The following FSCN2 variants were observed in gnomAD, a reference collection of about 807,000 sequenced individuals.
FSCN2 encodes the protein fascin-2.
FSCN2 carries 46 observed loss-of-function variants against 37.8 expected under a neutral mutation model. The ratio of observed to expected loss-of-function variants is 1.22; its 90% CI spans 0.96 to 1.56. The LOEUF (loss-of-function observed/expected upper bound fraction) is 1.56, where lower values mean the gene tolerates loss of function less well. Ranked by LOEUF, FSCN2 falls within the 40% of genes most tolerant of loss-of-function variation. The pLI is 0.00. For synonymous variants in FSCN2, 351 were observed against 309.4 expected (o/e 1.13, Z -1.41); for missense variants, 844 against 730.4 (o/e 1.16, Z -1.79).
At chr17:81,516,718 C>G in the FSCN2 span, among the ~76,000 whole-genome samples, 10 of 152,238 alleles carry the variant, frequency 6.6e-5, no homozygotes, top group African/African-American at 1.9e-4. Context: ...TTCTCCTGCC[C>G]CACTGCGCAG....
the FSCN2 span, among the ~76,000 whole-genome samples, chr17:81,518,779 G>A: frequency 1.3e-5 from 2 of 152,224 alleles, no homozygotes; most frequent in South Asian, 4.1e-4. Flanking sequence ...GACTAGGTCA[G>A]GGCCTCTCCA....
At chr17:81,527,043 C>T (rs544640057), upstream of FSCN2, 1 of 152,282 alleles carries the variant, frequency 6.6e-6, no homozygotes, top group African/African-American at 2.4e-5. Flanking sequence ...CTTTTTCCTC[C>T]CCTGTGTCTG....
intron 1 of FSCN2, 161 bp downstream of exon 1, chr17:81,529,518 G>A (rs782027299): frequency 1.5e-5 from 12 of 793,848 alleles, no homozygotes; most frequent in Non-Finnish European, 2.4e-5. Context: ...CACTCAGGGT[G>A]TAGGTGGGTG....
At chr17:81,532,134 A>G (rs1448433566) in intron 1 of FSCN2, among the ~76,000 whole-genome samples, 1 of 122,292 alleles carries the variant, frequency 8.2e-6, no homozygotes, top group Non-Finnish European at 1.7e-5. Flanking sequence ...GATGATAGTG[A>G]TGGTGATGAT....
At position 81,529,023 on chromosome 17, in the gene FSCN2, C is replaced by A. The variant is rs370382419; in HGVS notation, c.492C>A (p.Asp164Glu). The A allele has an allele frequency of 6.3e-7, 1 of 1,586,930 alleles. No individual in the cohort carries two copies. The highest frequency in any genetic ancestry group is 1.3e-5 in the African/African-American group (1 of 74,646). Residue 164 changes from aspartate to glutamate, a missense_variant, in exon 1 of 5, where the codon GAC becomes GAA. Coordinates refer to ENST00000417245, the MANE Select transcript of FSCN2 (RefSeq NM_012418.4). Reference protein sequence around the residue: ...LCPREDEMAADGDKPWGVDAL... With the variant: ...LCPREDEMAAEGDKPWGVDAL... ...CGCGGGAGGACGAGATGGCCGCAGA[C>A]GGAGACAAGCCCTGGGGCGTGGACG...
intron 1 of FSCN2, among the ~76,000 whole-genome samples, chr17:81,532,940 C>T (rs2032746782): frequency 6.6e-6 from 1 of 152,168 alleles, no homozygotes; most frequent in South Asian, 2.1e-4. Context: ...AGCAGCCACT[C>T]GCCTCCCTGC....
intron 2 of FSCN2, 82 bp downstream of exon 2, chr17:81,535,290 A>C (rs138055235): frequency 0.73 from 541,404 of 740,698 alleles, 198,375 homozygotes; most frequent in East Asian, 0.85. Context: ...CACCATCCGC[A>C]TCCCCATCTC....
chr17:81,515,493 T>C, the FSCN2 span, among the ~76,000 whole-genome samples: 2 of 152,390 alleles, frequency 1.3e-5, no homozygotes, highest in South Asian at 4.1e-4. Flanking sequence ...GTGCTGGTTT[T>C]GATGGCTTTT....
chr17:81,535,009 A>G (rs954718822), intron 1 of FSCN2, 43 bp from the exon 2 acceptor site: 3 of 1,469,934 alleles, frequency 2.0e-6, no homozygotes, highest in Non-Finnish European at 2.7e-6. Context: ...CCTGCTCCCT[A>G]CCCAGGAGAG....
upstream of FSCN2, among the ~76,000 whole-genome samples, chr17:81,528,129 G>C (rs1273240151): frequency 2.0e-5 from 3 of 152,190 alleles, no homozygotes; most frequent in Non-Finnish European, 2.9e-5. Context: ...GAGGCCAAAA[G>C]GTGCAGGGCC....
intron 1 of FSCN2, among the ~76,000 whole-genome samples, chr17:81,531,195 GTGGTGA>G (rs2032541164): frequency 4.9e-5 from 5 of 102,848 alleles, no homozygotes; most frequent in African/African-American, 1.9e-4. Context: ...GGTGGTGATG[GTGGTGA>G]TGGTGGTGAT....
the FSCN2 span, among the ~76,000 whole-genome samples, chr17:81,519,473 G>A: frequency 6.6e-6 from 1 of 152,154 alleles, no homozygotes; most frequent in African/African-American, 2.4e-5. Context: ...AGTGGGTCCC[G>A]CGAGAAGGCC....
At chr17:81,515,385 G>C in the FSCN2 span, among the ~76,000 whole-genome samples, 10 of 152,214 alleles carry the variant, frequency 6.6e-5, no homozygotes, top group Non-Finnish European at 1.0e-4. Context: ...CGGGAGAGTC[G>C]GCAGCTGCAC....
chr17:81,530,228 T>TG (rs1438417506), intron 1 of FSCN2: 45 of 266,616 alleles, frequency 1.7e-4, no homozygotes, highest in African/African-American at 2.8e-4. Context: ...TCCTCAGGAG[T>TG]GGGGGGGCTT....
the FSCN2 span, among the ~76,000 whole-genome samples, chr17:81,516,524 C>T: frequency 6.6e-6 from 1 of 152,196 alleles, no homozygotes; most frequent in Non-Finnish European, 1.5e-5. Context: ...CAGGGCCTGG[C>T]TGGCTCCCTT....
the FSCN2 span, among the ~76,000 whole-genome samples, chr17:81,520,878 TTGTTTTCTGTTCTTC>T: frequency 2.0e-5 from 3 of 152,232 alleles, no homozygotes; most frequent in African/African-American, 7.2e-5. Flanking sequence ...TTTCTTTCTT[TTGTTTTCTGTTCTTC>T]TGTTTTGGGA....
chr17:81,515,552 TACG>T, the FSCN2 span, among the ~76,000 whole-genome samples: 1 of 152,226 alleles, frequency 6.6e-6, no homozygotes, highest in African/African-American at 2.4e-5. Context: ...ATTTAGTGGA[TACG>T]ACAACAGTGG....
intron 1 of FSCN2, among the ~76,000 whole-genome samples, chr17:81,531,274 CGGTGGTGATGGT>C (rs1568076989): frequency 4.7e-5 from 6 of 128,238 alleles, no homozygotes; most frequent in African/African-American, 2.1e-4. Flanking sequence ...GTGGTGATGG[CGGTGGTGATGGT>C]GATGGTGGTG....
chr17:81,517,166 A>G, the FSCN2 span, among the ~76,000 whole-genome samples: 1 of 106,246 alleles, frequency 9.4e-6, no homozygotes, highest in African/African-American at 3.7e-5. Flanking sequence ...GCCCCGCCCC[A>G]CCCCCGCTGC....
Sources: gnomAD v4.1 joint callset for allele counts (sites outside exome capture counted in the v4.1 genomes callset) on GRCh38, gnomAD v4.1.1 for gene constraint, MANE v1.5 for transcripts, NCBI Gene and HGNC (gene_info 2026-07-23, HGNC 2026-07-21) for gene names.